Variants in KIF27 observed in about 807,000 individuals in gnomAD.
The protein encoded by KIF27 is kinesin family member 27, also known as kinesin-like protein KIF27.
A neutral mutation model predicts 141.8 loss-of-function variants in KIF27; 84 were observed. That is an observed-to-expected ratio of 0.59 (90% CI 0.50 to 0.71). KIF27 has a LOEUF of 0.71. KIF27 is among the 30% of genes least tolerant of loss of function. KIF27 has a pLI of 0.00. For missense variants in KIF27, 1,306 were observed against 1,628.4 expected (o/e 0.80, Z 3.41); for synonymous variants, 471 against 569.5 (o/e 0.83, Z 2.46).
At chr9:83,857,480 G>C (rs1949367876) in intron 14 of KIF27, among the ~76,000 whole-genome samples, 2 of 152,122 alleles carry the variant, frequency 1.3e-5, no homozygotes, top group Admixed American at 1.3e-4. Flanking sequence ...ACCAGTTGTA[G>C]GAGGCTCATC....
At position 83,842,260 on chromosome 9, in the gene KIF27, C is replaced by T. The variant is rs146464985; in HGVS notation, c.3698G>A (p.Arg1233Gln). 25 of 1,563,918 alleles carry T rather than the reference C, an allele frequency of 1.6e-5. No homozygotes were observed. Among genetic ancestry groups the T allele is most frequent in the South Asian group, 2.4e-5 (2 of 82,532 alleles). ...ACACTCTGATGGTGCTAGTTGCCGC[C>T]GAATTGCTTCCCCTACCAGTTCCTT... is the stretch of plus-strand genomic sequence containing the variant. ...KLKELVGEAIRRQLAPSEYQE... is the reference protein window; with the variant it reads ...KLKELVGEAIQRQLAPSEYQE... Residue 1233 changes from arginine to glutamine, a missense_variant, in exon 17 of 18, where the codon CGG becomes CAG. Around this residue, in one of 4 missense-constraint regions of KIF27, gnomAD observed 148 missense variants for 250.9 expected, o/e 0.59. Transcript: ENST00000297814.
intron 16 of KIF27, among the ~76,000 whole-genome samples, chr9:83,848,485 G>T: frequency 1.4e-5 from 2 of 138,358 alleles, no homozygotes; most frequent in African/African-American, 2.7e-5. Context: ...TATACATATA[G>T]ATATGTATAT....
At chr9:83,889,329 T>C (rs1952447366) in intron 6 of KIF27, 76 bp from the exon 7 acceptor site, 25 of 1,372,520 alleles carry the variant, frequency 1.8e-5, no homozygotes, top group Non-Finnish European at 2.5e-5. Flanking sequence ...TTACTCTAAG[T>C]GCTTTTAAAG....
chr9:83,859,631 A>G (rs1949660178), intron 13 of KIF27: 2 of 368,984 alleles, frequency 5.4e-6, no homozygotes, highest in Non-Finnish European at 9.9e-6. Context: ...TCCCAGGTTC[A>G]AGCGATTCTC....
intron 4 of KIF27, among the ~76,000 whole-genome samples, 172 bp from the exon 5 acceptor site, chr9:83,899,976 A>G (rs536905454): frequency 4.6e-5 from 7 of 152,344 alleles, no homozygotes; most frequent in Admixed American, 1.3e-4. Flanking sequence ...AGTTGAGAGA[A>G]CCTACCATTG....
Position 83,899,697 on chromosome 9 carries a change from T to C in KIF27, c.1566A>G (p.Val522=). 2 of 1,613,786 alleles carry C rather than the reference T, an allele frequency of 1.2e-6. No individual in the cohort carries two copies. The highest frequency in any genetic ancestry group is 1.7e-6 in the Non-Finnish European group (2 of 1,179,776). Residue 522 remains valine (V), a synonymous_variant, in exon 5 of 18, where the codon GTA becomes GTG. Transcript: ENST00000297814. ...TCACTTTTTGCGCTTCTTTCAAAGA[T>C]ACAGCATGCCCTTTGTTTTCCTGTA... ...MMVQENKGHA[V]SLKEAQKVNR...
rs1366877818 is a variant in KIF27, at chr9:83,834,283, G to A, written c.*2718C>T. ...TAAAAAAATAATTTTACTTGCCTTG[G>A]GTAGGTGTCTAATTTTTTTCTTTCC... On this transcript the variant is annotated 3_prime_UTR_variant, in exon 18 of 18. Transcript: ENST00000297814. Among the ~76,000 whole-genome samples, 1 of 151,972 alleles carries A rather than the reference G, an allele frequency of 6.6e-6. No individual in the cohort carries two copies. Among genetic ancestry groups the A allele is most frequent in the Non-Finnish European group, 1.5e-5 (1 of 67,934 alleles).
intron 5 of KIF27, among the ~76,000 whole-genome samples, chr9:83,892,209 T>C (rs1307660193): frequency 3.3e-5 from 5 of 152,244 alleles, no homozygotes; most frequent in East Asian, 1.9e-4. Flanking sequence ...TTCATCTTAA[T>C]ACTTCACATG....
At chr9:83,888,933 A>G (rs1462311972) in intron 7 of KIF27, 151 bp downstream of exon 7, 90 of 815,324 alleles carry the variant, frequency 1.1e-4, no homozygotes, top group Non-Finnish European at 1.6e-4. Flanking sequence ...TACTATTTTC[A>G]TAACACATTA....
Position 83,880,591 on chromosome 9 carries a change from T to C in KIF27, c.2446-97A>G, listed in dbSNP as rs1168060095. 6 of 983,526 alleles carry C rather than the reference T, an allele frequency of 6.1e-6. No individual in the cohort carries two copies. The East Asian group carries it at 1.4e-4, about 24-fold the overall frequency. 60.9% of individuals were successfully genotyped at this position (983,526 alleles called of 1,614,324 possible). A position where few individuals can be genotyped will look rare whatever the true frequency, so the allele number is the denominator to read the frequency against. On this transcript the variant is annotated intron_variant, in intron 10 of 17. Coordinates refer to ENST00000297814, the MANE Select transcript of KIF27 (RefSeq NM_017576.4). ...CATTTGATGGTAAAAGAAGAAATTT[T>C]CCCTAGATTTTCATTTATTTTTGAC...
At chr9:83,849,082 G>A (rs970521368) in intron 16 of KIF27, 6 of 152,142 alleles carry the variant, frequency 3.9e-5, no homozygotes, top group African/African-American at 1.2e-4. Flanking sequence ...CCAAAGTGCT[G>A]GGATTACAGG....
At chr9:83,911,095 C>T (rs1374564952) in intron 2 of KIF27, among the ~76,000 whole-genome samples, 1 of 152,124 alleles carries the variant, frequency 6.6e-6, no homozygotes, top group Non-Finnish European at 1.5e-5. Context: ...GAGACAGGGT[C>T]TCACTGTGTC....
At chr9:83,896,062 AAAAAAAAAAAAAAC>A (rs1184399684) in intron 5 of KIF27, among the ~76,000 whole-genome samples, 275 of 149,728 alleles carry the variant, frequency 1.8e-3, no homozygotes, top group Non-Finnish European at 3.0e-3. Flanking sequence ...AAAAAAAAAA[AAAAAAAAAAAAAAC>A]AAAACACACA....
At chr9:83,854,660 T>C (rs985815860) in intron 14 of KIF27, among the ~76,000 whole-genome samples, 4 of 152,198 alleles carry the variant, frequency 2.6e-5, no homozygotes, top group African/African-American at 9.7e-5. Flanking sequence ...CTTGCCGTCC[T>C]GAGTAGCTGG....
Position 83,880,511 on chromosome 9 carries a change from T to C in KIF27, c.2446-17A>G, listed in dbSNP as rs771430625. On this transcript the variant is annotated splice_polypyrimidine_tract_variant and intron_variant, in intron 10 of 17. Transcript: ENST00000297814. Reference sequence around the variant, plus strand: ...CTGCAAGACCTGAGATCATATGGAATATTTCAAAATGAAAAACTGAATCTC... The same window carrying C: ...CTGCAAGACCTGAGATCATATGGAACATTTCAAAATGAAAAACTGAATCTC... 6.4e-7 allele frequency: 1 copy of C among 1,573,982 alleles called. No homozygotes were observed. Among genetic ancestry groups the C allele is most frequent in the Non-Finnish European group, 8.6e-7 (1 of 1,157,494 alleles).
intron 13 of KIF27, among the ~76,000 whole-genome samples, chr9:83,861,329 C>T (rs1353733485): frequency 6.6e-6 from 1 of 152,114 alleles, no homozygotes; most frequent in Non-Finnish European, 1.5e-5. Context: ...TCCCTCCCCC[C>T]TTCCCCCACC....
intron 11 of KIF27, among the ~76,000 whole-genome samples, chr9:83,871,637 A>G (rs1232646322): frequency 6.6e-6 from 1 of 152,096 alleles, no homozygotes; most frequent in African/African-American, 2.4e-5. Context: ...ATAGACTTGG[A>G]AGACAGATCA....
At position 83,866,702 on chromosome 9, in the gene KIF27, C is replaced by G. The variant is rs1165347065; in HGVS notation, c.2934+982G>C. On this transcript the variant is annotated intron_variant, in intron 13 of 17. Coordinates refer to ENST00000297814, the MANE Select transcript of KIF27 (RefSeq NM_017576.4). ...ACCAGTCTGACCAATATGGTGAAAC[C>G]CAGTCTCTACTAAAAATACAAAAAC... Among the ~76,000 whole-genome samples the G allele has an allele frequency of 9.9e-5, 15 of 151,910 alleles. 1 individual carries two copies. The highest frequency in any genetic ancestry group is 9.9e-4 in the Admixed American group (15 of 15,228).
At chr9:83,874,856 C>G (rs1364586258) in intron 11 of KIF27, among the ~76,000 whole-genome samples, 3 of 151,218 alleles carry the variant, frequency 2.0e-5, no homozygotes, top group African/African-American at 7.3e-5. Flanking sequence ...ATTCCTTGAG[C>G]CCAGGAGGCC....
Sources: allele counts gnomAD v4.1 joint callset (sites outside exome capture counted in the v4.1 genomes callset), GRCh38; gene constraint gnomAD v4.1.1; regional missense constraint gnomAD v4.1.1; transcripts MANE v1.5; gene names NCBI Gene and HGNC (gene_info 2026-07-23, HGNC 2026-07-21).